Variants in SLC24A2 observed in about 807,000 individuals in gnomAD.
SLC24A2 encodes sodium/potassium/calcium exchanger 2.
Under a neutral mutation model 62.0 loss-of-function variants are expected in SLC24A2, and 36 were observed. That is an observed-to-expected ratio of 0.58 (90% confidence interval 0.44 to 0.77). The LOEUF (loss-of-function observed/expected upper bound fraction) is 0.77. Among genes scored for constraint, SLC24A2 ranks in the 30% least tolerant of loss-of-function variants. SLC24A2 has a pLI of 0.00. For synonymous variants in SLC24A2, 358 were observed against 294.0 expected (o/e 1.22, Z -2.23); for missense variants, 846 against 817.9 (o/e 1.03, Z -0.42).
chr9:19,731,957 G>T (rs1479489643), intron 2 of SLC24A2, among the ~76,000 whole-genome samples: 2 of 152,154 alleles, frequency 1.3e-5, no homozygotes. Flanking sequence ...TCTGTGAAAT[G>T]AGTATGACAA....
At chr9:19,657,360 T>C (rs758037770) in intron 2 of SLC24A2, among the ~76,000 whole-genome samples, 1 of 152,174 alleles carries the variant, frequency 6.6e-6, no homozygotes, top group African/African-American at 2.4e-5. Context: ...GTTCTCTGTG[T>C]ATTCTTTTTT....
intron 9 of SLC24A2, among the ~76,000 whole-genome samples, chr9:19,525,774 T>C (rs975847753): frequency 6.7e-6 from 1 of 149,782 alleles, no homozygotes; most frequent in Admixed American, 6.7e-5. Context: ...TGTTTTTTTT[T>C]TTTTTTTTTT....
chr9:20,130,005 T>C, the SLC24A2 span, among the ~76,000 whole-genome samples: 3 of 151,430 alleles, frequency 2.0e-5, no homozygotes, highest in Non-Finnish European at 2.9e-5. Context: ...GGCCTGCAAT[T>C]CTATTTCTTC....
chr9:19,733,354 A>G (rs1004249328), intron 2 of SLC24A2, among the ~76,000 whole-genome samples: 1 of 152,192 alleles, frequency 6.6e-6, no homozygotes, highest in Non-Finnish European at 1.5e-5. Context: ...TCAGCCCAGA[A>G]TGCCTCACCA....
chr9:20,140,274 T>G, the SLC24A2 span, among the ~76,000 whole-genome samples: 221 of 152,312 alleles, frequency 1.5e-3, no homozygotes, highest in Middle Eastern at 3.4e-3. Context: ...GAGGCAGATC[T>G]GTACACAGAG....
At chr9:20,134,126 G>A in the SLC24A2 span, among the ~76,000 whole-genome samples, 302 of 152,256 alleles carry the variant, frequency 2.0e-3, 1 homozygote, top group Middle Eastern at 6.8e-3. Context: ...TGGATATGGA[G>A]AGCCAGAAAG....
At chr9:20,102,163 C>T in the SLC24A2 span, among the ~76,000 whole-genome samples, 32,151 of 152,048 alleles carry the variant, frequency 0.21, 3,859 homozygotes, top group East Asian at 0.57. Flanking sequence ...CCTAAACCTA[C>T]CTTCTGTAGA....
chr9:20,178,664 T>A, the SLC24A2 span, among the ~76,000 whole-genome samples: 879 of 152,230 alleles, frequency 5.8e-3, 5 homozygotes, highest in African/African-American at 0.018. Context: ...GCCCAGAGGA[T>A]AAACTTAACA....
At chr9:19,666,771 T>C (rs1447945486) in intron 2 of SLC24A2, among the ~76,000 whole-genome samples, 1 of 152,174 alleles carries the variant, frequency 6.6e-6, no homozygotes, top group East Asian at 1.9e-4. Context: ...GGACATCTTG[T>C]CCTTTCCCTG....
the SLC24A2 span, among the ~76,000 whole-genome samples, chr9:20,147,826 A>G: frequency 2.6e-5 from 4 of 152,000 alleles, no homozygotes; most frequent in African/African-American, 9.7e-5. Flanking sequence ...CCAAGGCTTG[A>G]CTTCCTCATC....
the SLC24A2 span, among the ~76,000 whole-genome samples, chr9:19,850,955 ATATATATATATG>A: frequency 2.6e-3 from 67 of 25,454 alleles, no homozygotes; most frequent in Non-Finnish European, 6.5e-3. Context: ...ACATATATAT[ATATATATATATG>A]TATATATATA....
At chr9:19,945,184 AT>A in the SLC24A2 span, among the ~76,000 whole-genome samples, 1 of 152,126 alleles carries the variant, frequency 6.6e-6, no homozygotes, top group Non-Finnish European at 1.5e-5. Flanking sequence ...TTTATTTGTG[AT>A]TTTCCTGAAT....
chr9:19,572,027 T>G lies in SLC24A2; in HGVS notation c.1347+1324A>C, dbSNP rs191545132. On this transcript the variant is annotated intron_variant, in intron 7 of 10. Transcript: ENST00000341998. ...GCTCACGCCTATAATCCCAGCACTTTGGGAGGCCAAGGCGAGTGGATCACC... is the reference window on the plus strand; with the variant it reads ...GCTCACGCCTATAATCCCAGCACTTGGGGAGGCCAAGGCGAGTGGATCACC... Among the ~76,000 whole-genome samples, 462 of 151,986 alleles carry G rather than the reference T, an allele frequency of 3.0e-3. 3 individuals carry two copies. The highest frequency in any genetic ancestry group is 0.011 in the African/African-American group (441 of 41,434).
At chr9:19,555,092 AATTCTGCCCAAGTC>A (rs1486343444) in intron 7 of SLC24A2, among the ~76,000 whole-genome samples, 1 of 152,144 alleles carries the variant, frequency 6.6e-6, no homozygotes, top group East Asian at 1.9e-4. Flanking sequence ...GTTTATAGGA[AATTCTGCCCAAGTC>A]ATGCACCCAC....
At chr9:19,798,449 A>G in the SLC24A2 span, among the ~76,000 whole-genome samples, 26 of 152,312 alleles carry the variant, frequency 1.7e-4, no homozygotes, top group African/African-American at 5.5e-4. Context: ...TCTTACTTGT[A>G]CAATTTTTAT....
the SLC24A2 span, among the ~76,000 whole-genome samples, chr9:19,972,296 T>C: frequency 6.6e-6 from 1 of 152,146 alleles, no homozygotes; most frequent in Non-Finnish European, 1.5e-5. Context: ...TGAAGTCAAA[T>C]GCCGTTAGTC....
At chr9:19,758,294 C>T (rs781320051) in intron 2 of SLC24A2, among the ~76,000 whole-genome samples, 18 of 152,116 alleles carry the variant, frequency 1.2e-4, no homozygotes, top group Non-Finnish European at 2.2e-4. Flanking sequence ...GGAGTCCAGG[C>T]TTTTTGCCTG....
chr9:20,172,055 A>G, the SLC24A2 span, among the ~76,000 whole-genome samples: 1 of 152,092 alleles, frequency 6.6e-6, no homozygotes, highest in African/African-American at 2.4e-5. Context: ...ATGAACTCCA[A>G]AAGGAGCCTT....
intron 2 of SLC24A2, among the ~76,000 whole-genome samples, chr9:19,750,083 T>G (rs371941836): frequency 6.6e-6 from 1 of 152,208 alleles, no homozygotes; most frequent in Non-Finnish European, 1.5e-5. Context: ...TGCTGGACAC[T>G]GCCGGAGTAC....
Sources: gnomAD v4.1 joint callset for allele counts (sites outside exome capture counted in the v4.1 genomes callset) on GRCh38, gnomAD v4.1.1 for gene constraint, MANE v1.5 for transcripts, NCBI Gene and HGNC (gene_info 2026-07-23, HGNC 2026-07-21) for gene names.